The following DPP10 variants were observed in gnomAD, a reference collection of about 807,000 sequenced individuals.
DPP10 encodes the protein dipeptidyl peptidase like 10, also known as inactive dipeptidyl peptidase 10.
A neutral mutation model predicts 120.9 loss-of-function variants in DPP10; 33 were observed. The observed-to-expected ratio is 0.27, with a 90% confidence interval of 0.21 to 0.37. The LOEUF (loss-of-function observed/expected upper bound fraction) is 0.37. Among genes scored for constraint, DPP10 ranks in the 10% least tolerant of loss-of-function variants. The pLI is 1.00. For missense variants in DPP10, 816 were observed against 942.8 expected (o/e 0.87, Z 1.76); for synonymous variants, 337 against 326.1 (o/e 1.03, Z -0.36).
intron 2 of DPP10, among the ~76,000 whole-genome samples, chr2:115,329,510 A>G (rs1025273847): frequency 2.0e-5 from 3 of 152,088 alleles, no homozygotes; most frequent in African/African-American, 7.2e-5. Flanking sequence ...ATATGTATAC[A>G]TGTGCCATGT....
At chr2:115,795,546 G>T (rs1276513149) in intron 19 of DPP10, among the ~76,000 whole-genome samples, 1 of 152,062 alleles carries the variant, frequency 6.6e-6, no homozygotes, top group Non-Finnish European at 1.5e-5. Flanking sequence ...CATTCTAACC[G>T]GAGAGCATTA....
intron 3 of DPP10, among the ~76,000 whole-genome samples, chr2:115,388,347 A>G (rs911572414): frequency 7.9e-5 from 12 of 152,232 alleles, no homozygotes; most frequent in Non-Finnish European, 8.8e-5. Context: ...AAGCTTAAAT[A>G]TAGGAGAATT....
intron 1 of DPP10, among the ~76,000 whole-genome samples, chr2:114,718,241 C>G (rs1237864387): frequency 6.6e-6 from 1 of 151,708 alleles, no homozygotes; most frequent in East Asian, 1.9e-4. Context: ...AATATGATAG[C>G]AACTAGCCAT....
intron 1 of DPP10, among the ~76,000 whole-genome samples, chr2:114,685,570 A>G (rs1177910723): frequency 6.6e-6 from 1 of 151,982 alleles, no homozygotes; most frequent in Admixed American, 6.6e-5. Context: ...CCTATAATCA[A>G]ATGTGCAAAA....
At chr2:115,212,897 T>C (rs148730233) in intron 1 of DPP10, among the ~76,000 whole-genome samples, 27 of 152,162 alleles carry the variant, frequency 1.8e-4, no homozygotes, top group Non-Finnish European at 3.5e-4. Flanking sequence ...CACATTGGTT[T>C]ATCACATATG....
chr2:115,322,035 G>C (rs76740555), intron 2 of DPP10, among the ~76,000 whole-genome samples: 2,790 of 152,134 alleles, frequency 0.018, 30 homozygotes, highest in African/African-American at 0.039. Context: ...TAAAATGTCT[G>C]TGCCTCCCCA....
At chr2:114,469,669 A>G (rs1280443842) in intron 1 of DPP10, among the ~76,000 whole-genome samples, 3 of 152,202 alleles carry the variant, frequency 2.0e-5, no homozygotes, top group Non-Finnish European at 2.9e-5. Context: ...CCAAGGTTGC[A>G]GTGAGCTGAG....
chr2:115,464,499 G>T (rs892328622), intron 3 of DPP10, among the ~76,000 whole-genome samples: 2 of 151,850 alleles, frequency 1.3e-5, no homozygotes, highest in East Asian at 3.9e-4. Context: ...CTAACACTAG[G>T]TTTTTTTTCA....
intron 8 of DPP10, among the ~76,000 whole-genome samples, chr2:115,739,086 C>T (rs1424019755): frequency 2.0e-5 from 3 of 152,072 alleles, no homozygotes; most frequent in Non-Finnish European, 4.4e-5. Context: ...TTAAAGTTCA[C>T]AGCCAGCCTG....
At chr2:115,829,573 G>A (rs1688715148) in intron 21 of DPP10, among the ~76,000 whole-genome samples, 1 of 151,884 alleles carries the variant, frequency 6.6e-6, no homozygotes. Flanking sequence ...TGTTTCAACA[G>A]TTATAATAAT....
At position 115,689,752 on chromosome 2, in the gene DPP10, A is replaced by G. The variant is rs1309409750; in HGVS notation, c.494+13A>G. ...ACATACACACTAGGTAAGTTCTTTG[A>G]TTTTCTAGTTTTCATGAGCAATTGT... On this transcript the variant is annotated intron_variant, in intron 6 of 25. Coordinates refer to ENST00000410059, the MANE Select transcript of DPP10 (RefSeq NM_020868.6). The G allele has an allele frequency of 6.2e-7, 1 of 1,605,186 alleles. No homozygotes were observed. The highest frequency in any genetic ancestry group is 2.2e-5 in the East Asian group (1 of 44,796).
chr2:115,211,577 GT>G (rs202105402), intron 1 of DPP10, among the ~76,000 whole-genome samples: 1 of 150,834 alleles, frequency 6.6e-6, no homozygotes, highest in Non-Finnish European at 1.5e-5. Context: ...TCCTAATAAT[GT>G]TTTTTTTTCT....
intron 1 of DPP10, among the ~76,000 whole-genome samples, chr2:115,116,366 A>G (rs1003943518): frequency 1.2e-4 from 19 of 152,122 alleles, no homozygotes; most frequent in Admixed American, 8.5e-4. Flanking sequence ...CTTTATATCT[A>G]TATTTTCATC....
intron 2 of DPP10, among the ~76,000 whole-genome samples, chr2:115,331,555 G>A (rs2062736998): frequency 6.6e-6 from 1 of 152,128 alleles, no homozygotes; most frequent in Non-Finnish European, 1.5e-5. Context: ...TATTGGCTGT[G>A]GGTTTGTCAT....
At chr2:115,105,974 G>A (rs6542244) in intron 1 of DPP10, among the ~76,000 whole-genome samples, 107,915 of 152,106 alleles carry the variant, frequency 0.71, 38,697 homozygotes, top group East Asian at 0.98. Flanking sequence ...ATTTTTTAAT[G>A]TAACTTAGAG....
rs570117853 is a variant in DPP10 at position 114,910,989 on chromosome 2, A to C, written c.61-398250A>C. On this transcript the variant is annotated intron_variant, in intron 1 of 25. Transcript: ENST00000410059. ...GCTCTTATCCCCACTATATCTAAACACTTTTTATTTTTATATGTACACCTC... is the reference window on the plus strand; with the variant it reads ...GCTCTTATCCCCACTATATCTAAACCCTTTTTATTTTTATATGTACACCTC... Among the ~76,000 whole-genome samples, 8 of 152,192 alleles carry C rather than the reference A, an allele frequency of 5.3e-5. No homozygotes were observed. The South Asian group carries it at 1.5e-3, about 28-fold the overall frequency.
At chr2:114,903,592 G>A (rs1693752152) in intron 1 of DPP10, among the ~76,000 whole-genome samples, 2 of 152,126 alleles carry the variant, frequency 1.3e-5, no homozygotes, top group Admixed American at 6.5e-5. Flanking sequence ...GTGTCTTTTG[G>A]TATTTTCAAT....
At chr2:115,118,412 T>A (rs1233286497) in intron 1 of DPP10, among the ~76,000 whole-genome samples, 1 of 152,186 alleles carries the variant, frequency 6.6e-6, no homozygotes, top group Non-Finnish European at 1.5e-5. Flanking sequence ...AGGCAATTTT[T>A]AAAGCTTTTT....
intron 1 of DPP10, among the ~76,000 whole-genome samples, chr2:114,830,331 A>T (rs529508642): frequency 7.2e-5 from 11 of 151,992 alleles, no homozygotes; most frequent in Non-Finnish European, 1.6e-4. Context: ...CAAATAGTCA[A>T]AGATGACGCA....
Sources: gnomAD v4.1 joint callset for allele counts (sites outside exome capture counted in the v4.1 genomes callset) on GRCh38, gnomAD v4.1.1 for gene constraint, MANE v1.5 for transcripts, NCBI Gene and HGNC (gene_info 2026-07-23, HGNC 2026-07-21) for gene names.